Variants in CACNA1C observed in about 807,000 individuals in gnomAD.
CACNA1C encodes voltage-dependent L-type calcium channel subunit alpha-1C.
Under a neutral mutation model 229.0 loss-of-function variants are expected in CACNA1C, and 30 were observed. That is an observed-to-expected ratio of 0.13 (90% CI 0.10 to 0.18). CACNA1C has a LOEUF of 0.18. Ranked by LOEUF, CACNA1C falls within the 10% of genes least tolerant of loss-of-function variation. The pLI is 1.00. For synonymous variants in CACNA1C, 1,114 were observed against 1,132.5 expected (o/e 0.98, Z 0.33); for missense variants, 1,658 against 2,845.0 (o/e 0.58, Z 9.49).
At chr12:2,659,229 G>A (rs765471184) in intron 34 of CACNA1C, among the ~76,000 whole-genome samples, 14 of 151,988 alleles carry the variant, frequency 9.2e-5, no homozygotes, top group Admixed American at 2.0e-4. Flanking sequence ...CAGGTGCACC[G>A]TATTTAAATA....
rs544840427 is a variant in CACNA1C, at chr12:2,692,723, C to T, written c.*1524C>T. Reference sequence around the variant, plus strand: ...GAAGGCATTTTGCTTCAATATATTCCGTGTAATGTTTTATTGCATTGATAA... The same window carrying T: ...GAAGGCATTTTGCTTCAATATATTCTGTGTAATGTTTTATTGCATTGATAA... On this transcript the variant is annotated 3_prime_UTR_variant, in exon 47 of 47. Transcript: ENST00000399655. 23 of 152,630 alleles carry T rather than the reference C, an allele frequency of 1.5e-4. No homozygotes were observed. The highest frequency in any genetic ancestry group is 1.1e-3 in the Admixed American group (17 of 15,294). The allele number at this position is 152,630 out of a possible 1,614,324, so 9.5% of individuals were successfully genotyped here.
chr12:2,463,892 C>T (rs944464522), intron 5 of CACNA1C, among the ~76,000 whole-genome samples: 2 of 152,128 alleles, frequency 1.3e-5, no homozygotes, highest in Non-Finnish European at 2.9e-5. Context: ...GTGGAGCATG[C>T]GTATTACACC....
At position 2,567,734 on chromosome 12, in the gene CACNA1C, C is replaced by G. The variant is rs1390105755; in HGVS notation, c.1835C>G (p.Ser612Cys). 12 of 1,613,514 alleles carry G rather than the reference C, an allele frequency of 7.4e-6. No individual in the cohort carries two copies. Among genetic ancestry groups the G allele is most frequent in the Non-Finnish European group, 1.0e-5 (12 of 1,179,574 alleles). The change falls in exon 13 of 47, where the codon TCC becomes TGC. Residue 612 changes from serine to cysteine, a missense_variant. Physicochemically the swap from Ser to Cys is moderately radical, Grantham distance 112. Coordinates refer to ENST00000399655, the MANE Select transcript of CACNA1C (RefSeq NM_000719.7). The stretch of plus-strand genomic sequence containing the variant: ...ATCCTGGTGGAGACCAAGATCATGT[C>G]CCCACTGGGCATCTCCGTGCTCAGA... ...ETILVETKIM[S>C]PLGISVLRCV...
intron 3 of CACNA1C, among the ~76,000 whole-genome samples, chr12:2,441,832 T>C (rs1198181725): frequency 6.6e-6 from 1 of 152,196 alleles, no homozygotes; most frequent in Admixed American, 6.5e-5. Context: ...CTGGACCCTC[T>C]TCAACTGTGT....
At chr12:2,481,137 G>C (rs2099674266) in intron 5 of CACNA1C, among the ~76,000 whole-genome samples, 1 of 152,114 alleles carries the variant, frequency 6.6e-6, no homozygotes, top group East Asian at 1.9e-4. Context: ...AGTATCTCTG[G>C]GGCCCTGAGC....
intron 1 of CACNA1C, among the ~76,000 whole-genome samples, chr12:2,039,153 C>T (rs1022412469): frequency 3.3e-5 from 5 of 152,170 alleles, no homozygotes; most frequent in Non-Finnish European, 7.3e-5. Flanking sequence ...AACTTTCATG[C>T]AGAGTTCCAA....
At chr12:2,102,477 G>T (rs1033856624) in intron 1 of CACNA1C, among the ~76,000 whole-genome samples, 1 of 152,140 alleles carries the variant, frequency 6.6e-6, no homozygotes, top group Non-Finnish European at 1.5e-5. Context: ...TGGCTCTGGG[G>T]CATTCTTCCC....
At chr12:2,321,092 C>T (rs965839838) in intron 3 of CACNA1C, among the ~76,000 whole-genome samples, 2 of 152,240 alleles carry the variant, frequency 1.3e-5, no homozygotes, top group Non-Finnish European at 2.9e-5. Context: ...GAGGCACAGC[C>T]TCTTCAGCCA....
chr12:2,675,882 A>G (rs1432912979), intron 39 of CACNA1C: 2 of 152,216 alleles, frequency 1.3e-5, no homozygotes, highest in African/African-American at 4.8e-5. Flanking sequence ...CCCGACAACT[A>G]AAAACCACCC....
intron 10 of CACNA1C, chr12:2,550,739 A>G: frequency 1.7e-6 from 2 of 1,157,974 alleles, no homozygotes; most frequent in Non-Finnish European, 2.3e-6. Flanking sequence ...CGTCTGTGGA[A>G]TGATGGAGAG....
chr12:1,993,245 T>G (rs755502976), intron 1 of CACNA1C: 4 of 1,613,954 alleles, frequency 2.5e-6, no homozygotes. Flanking sequence ...AACAACCCAC[T>G]GTAGTAAGAA....
Position 2,108,271 on chromosome 12 carries a change from G to A in CACNA1C, c.50-6953G>A, listed in dbSNP as rs768236877. ...ATGCTGCAAGAGCAGGCTTTAGGCC[G>A]GGTCTGTGGGAATGATTCCCAAAAC... On this transcript the variant is annotated intron_variant, in intron 1 of 46. Transcript: ENST00000399655. The surrounding 1 kb of genome is among the most constrained non-coding windows in gnomAD (Gnocchi z 5.3). 6.6e-6 allele frequency among the ~76,000 whole-genome samples: 1 copy of A among 152,200 alleles called. No individual in the cohort carries two copies. The highest frequency in any genetic ancestry group is 2.4e-5 in the African/African-American group (1 of 41,456).
intron 3 of CACNA1C, among the ~76,000 whole-genome samples, chr12:2,308,372 G>C (rs1205862487): frequency 6.6e-6 from 1 of 152,094 alleles, no homozygotes; most frequent in Non-Finnish European, 1.5e-5. Context: ...ATTTTGAGTT[G>C]ATTTTTGTTT....
rs1324761312 is a variant in CACNA1C at position 2,633,887 on chromosome 12, A to G, written c.3829-410A>G. Among the ~76,000 whole-genome samples, 1 of 152,132 alleles carries G rather than the reference A, an allele frequency of 6.6e-6. No homozygotes were observed. The highest frequency in any genetic ancestry group is 1.5e-5 in the Non-Finnish European group (1 of 68,028). The stretch of plus-strand genomic sequence containing the variant: ...AACCTGCCGTCGTCCTGTGGGGGAA[A>G]AAAAGTGGGAGCTTCTCCTCCTTTT... On this transcript the variant is annotated intron_variant, in intron 29 of 46. Coordinates refer to ENST00000399655, the MANE Select transcript of CACNA1C (RefSeq NM_000719.7). The surrounding 1 kb of genome is among the most constrained non-coding windows in gnomAD (Gnocchi z 5.8).
chr12:2,561,094 C>G (rs1945761762), intron 11 of CACNA1C, among the ~76,000 whole-genome samples: 1 of 152,162 alleles, frequency 6.6e-6, no homozygotes, highest in Non-Finnish European at 1.5e-5. Flanking sequence ...TTCGTCTCTG[C>G]TGCTCAACCG....
Position 2,115,439 on chromosome 12 carries a change from C to G in CACNA1C, c.265C>G (p.Pro89Ala). The change falls in exon 2 of 47, where the codon CCC (proline) becomes GCC (alanine). Residue 89 changes from proline (P) to alanine (A), a missense_variant. Around this residue, in one of 20 missense-constraint regions of CACNA1C, gnomAD observed 111 missense variants for 128.0 expected, o/e 0.87. Coordinates refer to ENST00000399655, the MANE Select transcript of CACNA1C (RefSeq NM_000719.7). ...GCGGAAGCGGCAGCAATATGGGAAACCCAAGAAGCAGGGCAGCACCACGGC... is the reference window on the plus strand; with the variant it reads ...GCGGAAGCGGCAGCAATATGGGAAAGCCAAGAAGCAGGGCAGCACCACGGC... ...TQRKRQQYGK[P>A]KKQGSTTATR... 2 of 1,613,086 alleles carry G rather than the reference C, an allele frequency of 1.2e-6. No individual in the cohort carries two copies. Among genetic ancestry groups the G allele is most frequent in the Non-Finnish European group, 1.7e-6 (2 of 1,179,870 alleles).
rs766061853 is a variant in CACNA1C, at chr12:2,206,577, ATG to A, written c.477+86153_477+86154del. 7.2e-5 allele frequency among the ~76,000 whole-genome samples: 11 copies of A among 152,346 alleles called. 1 individual carries two copies. The highest frequency in any genetic ancestry group is 5.2e-4 in the Admixed American group (8 of 15,300). On this transcript the variant is annotated intron_variant, in intron 3 of 46. Coordinates refer to ENST00000399655, the MANE Select transcript of CACNA1C (RefSeq NM_000719.7). ...GTTGTCATGAATATTCAATGAGATG[ATG>A]TGTGTACCCACCTCCCTACCTACTC...
At chr12:2,407,663 G>T (rs7299295) in intron 3 of CACNA1C, among the ~76,000 whole-genome samples, 1 of 57,536 alleles carries the variant, frequency 1.7e-5, no homozygotes, top group Admixed American at 2.0e-4. Context: ...ATAAGTGTGC[G>T]GTGGACATCG....
intron 13 of CACNA1C, among the ~76,000 whole-genome samples, chr12:2,580,386 G>A (rs2060069501): frequency 6.6e-6 from 1 of 152,216 alleles, no homozygotes; most frequent in African/African-American, 2.4e-5. Context: ...GGCTGTGGCT[G>A]CAATGGGAGT....
Sources: allele counts gnomAD v4.1 joint callset (sites outside exome capture counted in the v4.1 genomes callset), GRCh38; gene constraint gnomAD v4.1.1; regional missense constraint gnomAD v4.1.1; non-coding constraint Gnocchi (gnomAD v3.1); transcripts MANE v1.5; gene names NCBI Gene and HGNC (gene_info 2026-07-23, HGNC 2026-07-21).